The following CNTRL variants were observed in gnomAD, a reference collection of about 807,000 sequenced individuals.
The protein encoded by CNTRL is 110 kDa centrosomal protein.
A neutral mutation model predicts 303.7 loss-of-function variants in CNTRL; 233 were observed. The observed-to-expected ratio is 0.77, with a 90% CI of 0.69 to 0.86. The LOEUF is 0.86. Ranked by LOEUF, CNTRL falls within the 40% of genes least tolerant of loss-of-function variation. The probability of loss-of-function intolerance (pLI) is 0.00; values close to 1 mark genes in which losing one functional copy is unlikely to be tolerated. For missense variants in CNTRL, 2,524 were observed against 2,650.6 expected (o/e 0.95, Z 1.05); for synonymous variants, 900 against 922.2 (o/e 0.98, Z 0.44).
chr9:121,168,181 A>G lies in CNTRL; in HGVS notation c.5930A>G (p.Gln1977Arg). Residue 1977 changes from glutamine to arginine, a missense_variant, in exon 38 of 44, where the codon CAG becomes CGG. By Grantham distance (43) the Gln-to-Arg change is conservative. Coordinates refer to ENST00000373855, the MANE Select transcript of CNTRL (RefSeq NM_007018.6). ...GTGACACTGAAGGAGCAACAGCACCAGCTGGAAAAGGAATTAACAGACCAG... is the reference window on the plus strand; with the variant it reads ...GTGACACTGAAGGAGCAACAGCACCGGCTGGAAAAGGAATTAACAGACCAG... ...SKVTLKEQQH[Q>R]LEKELTDQKS... is the part of the protein sequence containing the mutation. The G allele has an allele frequency of 6.2e-7, 1 of 1,614,224 alleles. No homozygotes were observed. Among genetic ancestry groups the G allele is most frequent in the Middle Eastern group, 1.6e-4 (1 of 6,062 alleles).
intron 7 of CNTRL, among the ~76,000 whole-genome samples, chr9:121,104,193 C>G (rs867519570): frequency 3.2e-4 from 49 of 152,248 alleles, no homozygotes; most frequent in Middle Eastern, 3.4e-3. Flanking sequence ...TACTATGCAG[C>G]CATAAAAAAG....
intron 2 of CNTRL, among the ~76,000 whole-genome samples, chr9:121,083,683 C>T (rs1033199610): frequency 1.3e-5 from 2 of 152,166 alleles, no homozygotes; most frequent in Non-Finnish European, 2.9e-5. Flanking sequence ...GCCAGTAACA[C>T]GGACATTTAT....
At chr9:121,115,879 C>A (rs550632610) in intron 11 of CNTRL, among the ~76,000 whole-genome samples, 1 of 152,026 alleles carries the variant, frequency 6.6e-6, no homozygotes, top group Admixed American at 6.6e-5. Context: ...TTAAAAGATA[C>A]ACTGTATTGT....
Position 121,108,034 on chromosome 9 carries a change from T to A in CNTRL, c.1002+39T>A. On this transcript the variant is annotated intron_variant, in intron 8 of 43. Coordinates refer to ENST00000373855, the MANE Select transcript of CNTRL (RefSeq NM_007018.6). ...TTACATTGCTTTGGCTGTATTCTCA[T>A]AAGACAGATAATTCTTTGCCCTTGG... 2.2e-6 allele frequency: 3 copies of A among 1,373,586 alleles called. No individual in the cohort carries two copies. In the South Asian group the frequency reaches 4.5e-5, roughly 21 times the overall value. 85.1% of individuals were successfully genotyped at this position (1,373,586 alleles called of 1,614,324 possible).
intron 16 of CNTRL, among the ~76,000 whole-genome samples, chr9:121,139,500 T>G (rs1434105027): frequency 6.6e-6 from 1 of 152,200 alleles, no homozygotes; most frequent in East Asian, 1.9e-4. Context: ...CTTCAAATAT[T>G]TGTTCCTTGA....
At chr9:121,080,501 A>G (rs908519778) in intron 2 of CNTRL, 23 bp downstream of exon 2, 1 of 152,178 alleles carries the variant, frequency 6.6e-6, no homozygotes, top group African/African-American at 2.4e-5. Flanking sequence ...CCCTCAGTAA[A>G]TGTTAGCCAC....
rs751131421 is a variant in CNTRL at position 121,113,742 on chromosome 9, T to A, written c.1345+18T>A. ...AAGTGCAGGTTAAAAAAAGTTATTTTAAATTCTTTAAAAAAAAATATGAAA... is the reference window on the plus strand; with the variant it reads ...AAGTGCAGGTTAAAAAAAGTTATTTAAAATTCTTTAAAAAAAAATATGAAA... On this transcript the variant is annotated intron_variant, in intron 10 of 43. Coordinates refer to ENST00000373855, the MANE Select transcript of CNTRL (RefSeq NM_007018.6). 1 of 1,443,164 alleles carries A rather than the reference T, an allele frequency of 6.9e-7. No individual in the cohort carries two copies. Among genetic ancestry groups the A allele is most frequent in the Admixed American group, 2.7e-5 (1 of 37,300 alleles). The allele number at this position is 1,443,164 out of a possible 1,614,324, so 89.4% of individuals were successfully genotyped here.
rs2051505251 is a variant in CNTRL at position 121,141,433 on chromosome 9, C to T, written c.2536C>T (p.Gln846Ter). The T allele has an allele frequency of 1.9e-6, 3 of 1,613,892 alleles. No homozygotes were observed. Among genetic ancestry groups the T allele is most frequent in the South Asian group, 1.1e-5 (1 of 91,088 alleles). Residue 846 changes from glutamine (Q) to a stop codon, truncating the protein, a stop_gained, in exon 18 of 44, where the codon CAA becomes TAA. Transcript: ENST00000373855. LOFTEE classifies it high-confidence loss of function. ...GAAAAGTCTTGCTGATTTACAGAAACAATTCAGTGAAATTCTTGCACGCTC... is the reference window on the plus strand; with the variant it reads ...GAAAAGTCTTGCTGATTTACAGAAATAATTCAGTGAAATTCTTGCACGCTC... The part of the protein sequence containing the change: ...LGKSLADLQK[Q>*]FSEILARSKW...
Position 121,115,105 on chromosome 9 carries a change from T to C in CNTRL, c.1360T>C (p.Ser454Pro). ...KKISAAQTRL[S>P]ELHDEIEKAE... ...TAAATTTGCAGCACAAACTCGACTA[T>C]CAGAACTGCATGATGAAATAGAAAA... The change falls in exon 11 of 44, where the codon TCA (serine) becomes CCA (proline). Residue 454 changes from serine (S) to proline (P), a missense_variant. Transcript: ENST00000373855. 1 of 1,599,796 alleles carries C rather than the reference T, an allele frequency of 6.3e-7. No individual in the cohort carries two copies. The highest frequency in any genetic ancestry group is 8.5e-7 in the Non-Finnish European group (1 of 1,173,674).
intron 23 of CNTRL, among the ~76,000 whole-genome samples, chr9:121,147,501 T>A (rs1393258080): frequency 6.6e-6 from 1 of 151,946 alleles, no homozygotes; most frequent in African/African-American, 2.4e-5. Context: ...CTGATTCAGG[T>A]AAAGAGTAGA....
At chr9:121,105,858 G>C (rs967187611) in intron 7 of CNTRL, among the ~76,000 whole-genome samples, 1 of 152,086 alleles carries the variant, frequency 6.6e-6, no homozygotes, top group African/African-American at 2.4e-5. Flanking sequence ...AGAGACATTT[G>C]GCTGGAGATT....
chr9:121,151,611 C>G lies in CNTRL; in HGVS notation c.3964-874C>G, dbSNP rs562564907. Among the ~76,000 whole-genome samples the G allele has an allele frequency of 2.0e-4, 31 of 152,130 alleles. 1 individual carries two copies. Among genetic ancestry groups the G allele is most frequent in the Admixed American group, 1.6e-3 (25 of 15,290 alleles). ...TTCACCATGTTGGCCAGGCTGGTCTCGAACTCCTGACCTTGAGTGATCGCC... is the reference window on the plus strand; with the variant it reads ...TTCACCATGTTGGCCAGGCTGGTCTGGAACTCCTGACCTTGAGTGATCGCC... On this transcript the variant is annotated intron_variant, in intron 25 of 43. Transcript: ENST00000373855.
chr9:121,103,406 G>T (rs1564207953), intron 7 of CNTRL, among the ~76,000 whole-genome samples: 1 of 152,272 alleles, frequency 6.6e-6, no homozygotes, highest in Non-Finnish European at 1.5e-5. Flanking sequence ...ATTCAAGATG[G>T]ATTAAAGACT....
At chr9:121,161,812 A>G (rs755775912) in intron 32 of CNTRL, 44 bp from the exon 33 acceptor site, 11 of 1,383,218 alleles carry the variant, frequency 8.0e-6, no homozygotes, top group Non-Finnish European at 1.1e-5. Context: ...ATGTTTTCCA[A>G]GTTCATTTAA....
chr9:121,083,724 A>G (rs966226251), intron 2 of CNTRL, among the ~76,000 whole-genome samples: 1 of 152,230 alleles, frequency 6.6e-6, no homozygotes, highest in Admixed American at 6.5e-5. Context: ...ACATAATTGT[A>G]TGTGCCAGGC....
chr9:121,116,624 T>A (rs1017092216), intron 11 of CNTRL, among the ~76,000 whole-genome samples: 11 of 152,226 alleles, frequency 7.2e-5, no homozygotes, highest in African/African-American at 2.4e-4. Flanking sequence ...AATTTTATTT[T>A]GCATGCAATG....
intron 10 of CNTRL, among the ~76,000 whole-genome samples, chr9:121,114,765 C>T (rs1385442241): frequency 6.6e-6 from 1 of 152,130 alleles, no homozygotes; most frequent in Non-Finnish European, 1.5e-5. Flanking sequence ...AACTTAGTAA[C>T]ATGTAAAGTG....
At chr9:121,173,216 G>A (rs376654423) in intron 40 of CNTRL, 27 bp from the exon 41 acceptor site, 7 of 1,582,248 alleles carry the variant, frequency 4.4e-6, no homozygotes, top group Non-Finnish European at 5.1e-6. Flanking sequence ...TTTATACAAT[G>A]ATATTTGACA....
Position 121,167,485 on chromosome 9 carries a change from A to C in CNTRL, c.5656-4A>C, listed in dbSNP as rs780742192. 4 of 1,610,262 alleles carry C rather than the reference A, an allele frequency of 2.5e-6. No homozygotes were observed. The South Asian group carries it at 4.4e-5, about 18-fold the overall frequency. On this transcript the variant is annotated splice_region_variant and splice_polypyrimidine_tract_variant and intron_variant, in intron 36 of 43. Transcript: ENST00000373855. ...GTAGTTTCCACTTGTTCTTTCACCTAAAGGACCTGCTTCACACCACCAAGC... is the reference window on the plus strand; with the variant it reads ...GTAGTTTCCACTTGTTCTTTCACCTCAAGGACCTGCTTCACACCACCAAGC...
Sources: gnomAD v4.1 joint callset for allele counts (sites outside exome capture counted in the v4.1 genomes callset) on GRCh38, gnomAD v4.1.1 for gene constraint, MANE v1.5 for transcripts, NCBI Gene and HGNC (gene_info 2026-07-23, HGNC 2026-07-21) for gene names.